NDUFAF6: variants seen among roughly 807,000 people sequenced by gnomAD.
NDUFAF6 encodes NADH dehydrogenase (ubiquinone) complex I, assembly factor 6.
A neutral mutation model predicts 40.8 loss-of-function variants in NDUFAF6; 45 were observed. The ratio of observed to expected loss-of-function variants is 1.10; its 90% CI spans 0.87 to 1.42. NDUFAF6 has a LOEUF of 1.42. NDUFAF6 is among the 40% of genes most tolerant of loss of function. The pLI is 0.00. For synonymous variants in NDUFAF6, 185 were observed against 155.9 expected, an observed-to-expected ratio of 1.19 and a Z score of -1.39; for missense variants, 435 against 418.5, an observed-to-expected ratio of 1.04 and a Z score of -0.34.
intron 5 of NDUFAF6, among the ~76,000 whole-genome samples, chr8:95,046,032 A>ATTTAT (rs546325431): frequency 1.6e-3 from 242 of 147,812 alleles, no homozygotes; most frequent in South Asian, 6.0e-3. Flanking sequence ...AGTAAAACAC[A>ATTTAT]TTTATTTTAT....
chr8:94,964,366 C>T (rs1823837571), intron 1 of NDUFAF6, among the ~76,000 whole-genome samples: 1 of 148,442 alleles, frequency 6.7e-6, no homozygotes, highest in African/African-American at 2.5e-5. Flanking sequence ...GAGGTTGAGG[C>T]TGCTGTGAGC....
intron 9 of NDUFAF6, among the ~76,000 whole-genome samples, chr8:95,063,979 C>T (rs184936631): frequency 2.0e-5 from 3 of 150,858 alleles, no homozygotes; most frequent in Admixed American, 2.0e-4. Context: ...TCACACCATT[C>T]TCCTGCCTCA....
chr8:95,051,567 A>G (rs1200453020), intron 7 of NDUFAF6, among the ~76,000 whole-genome samples: 1 of 152,154 alleles, frequency 6.6e-6, no homozygotes, highest in African/African-American at 2.4e-5. Context: ...CGAACACAGG[A>G]TGATGGGCAT....
chr8:94,958,522 CTTTTTTTTTTTTTTTT>C (rs55703438), intron 1 of NDUFAF6, among the ~76,000 whole-genome samples: 5 of 71,278 alleles, frequency 7.0e-5, no homozygotes, highest in Non-Finnish European at 1.3e-4. Context: ...TAGTCACATT[CTTTTTTTTTTTTTTTT>C]TTTTTTTTTT....
At chr8:94,994,297 T>C (rs1368988395) in intron 2 of NDUFAF6, among the ~76,000 whole-genome samples, 2 of 152,102 alleles carry the variant, frequency 1.3e-5, no homozygotes, top group Non-Finnish European at 2.9e-5. Flanking sequence ...ACACCTGTAA[T>C]CCCAGCACTT....
chr8:94,941,402 G>A (rs1332099865), intron 1 of NDUFAF6, among the ~76,000 whole-genome samples: 1 of 152,088 alleles, frequency 6.6e-6, no homozygotes, highest in Non-Finnish European at 1.5e-5. Context: ...AAGCAGATGA[G>A]CAAATTCTAG....
At chr8:94,937,669 T>C (rs1045260634) in intron 1 of NDUFAF6, among the ~76,000 whole-genome samples, 5 of 152,092 alleles carry the variant, frequency 3.3e-5, no homozygotes, top group African/African-American at 7.2e-5. Context: ...GATGCAATGG[T>C]CCTAGGACCA....
At chr8:94,914,347 A>G (rs959724483) in intron 1 of NDUFAF6, among the ~76,000 whole-genome samples, 4 of 152,166 alleles carry the variant, frequency 2.6e-5, no homozygotes, top group African/African-American at 4.8e-5. Flanking sequence ...TGCAGCTGCT[A>G]TGGAGTAGTT....
At chr8:95,091,841 TG>T (rs1260641418) in intron 2 of NDUFAF6, among the ~76,000 whole-genome samples, 22 of 146,498 alleles carry the variant, frequency 1.5e-4, no homozygotes, top group African/African-American at 5.6e-4. Flanking sequence ...GGATCTCGTA[TG>T]TTGCCCAGGC....
intron 2 of NDUFAF6, chr8:94,949,141 C>A (rs999448519): frequency 1.3e-5 from 2 of 149,228 alleles, no homozygotes; most frequent in African/African-American, 4.9e-5. Context: ...GCCCGCCCCC[C>A]CCCGGCACTT....
chr8:94,913,949 G>A (rs558985537), intron 1 of NDUFAF6, among the ~76,000 whole-genome samples: 3 of 151,978 alleles, frequency 2.0e-5, no homozygotes, highest in Non-Finnish European at 2.9e-5. Context: ...GCACCACCAC[G>A]CCCAGCTAAT....
At chr8:95,104,107 C>G (rs957953330), downstream of NDUFAF6, among the ~76,000 whole-genome samples, 2 of 152,138 alleles carry the variant, frequency 1.3e-5, no homozygotes, top group East Asian at 1.9e-4. Context: ...AAACTCCTGA[C>G]CTCAAGCAAT....
At chr8:95,053,925 CTTTTTTTTTTTTTTTTT>C (rs71273448) in intron 8 of NDUFAF6, among the ~76,000 whole-genome samples, 1 of 37,016 alleles carries the variant, frequency 2.7e-5, no homozygotes, top group Non-Finnish European at 5.0e-5. Flanking sequence ...CCGTGCCCGG[CTTTTTTTTTTTTTTTTT>C]TTTTTTTTTT....
At chr8:94,930,292 AAG>A (rs1820263092) in intron 1 of NDUFAF6, 5 of 718,352 alleles carry the variant, frequency 7.0e-6, no homozygotes, top group Non-Finnish European at 8.8e-6. Context: ...GTAAATGTTA[AAG>A]GCAAGGCATT....
intron 1 of NDUFAF6, among the ~76,000 whole-genome samples, chr8:94,978,855 G>A (rs1825182756): frequency 6.6e-6 from 1 of 152,194 alleles, no homozygotes; most frequent in East Asian, 1.9e-4. Context: ...CTCACTACCT[G>A]CAGTTGGCAT....
At chr8:94,936,801 TGCCA>T (rs1821020642) in intron 1 of NDUFAF6, among the ~76,000 whole-genome samples, 9 of 152,170 alleles carry the variant, frequency 5.9e-5, no homozygotes, top group African/African-American at 1.9e-4. Context: ...TCCCTGGAGG[TGCCA>T]TCCTGGGTTC....
chr8:94,926,707 T>C (rs577064313), intron 1 of NDUFAF6: 25 of 152,350 alleles, frequency 1.6e-4, no homozygotes, highest in African/African-American at 5.3e-4. Context: ...TCTCCTCCCA[T>C]GCAAAGGATA....
chr8:94,967,571 T>C (rs550302369), intron 1 of NDUFAF6, among the ~76,000 whole-genome samples: 5 of 152,092 alleles, frequency 3.3e-5, no homozygotes, highest in Non-Finnish European at 5.9e-5. Flanking sequence ...TTACAGTTTC[T>C]GTGAGTCAGG....
intron 2 of NDUFAF6, among the ~76,000 whole-genome samples, chr8:94,985,762 C>G (rs1825853307): frequency 6.6e-6 from 1 of 150,726 alleles, no homozygotes; most frequent in Non-Finnish European, 1.5e-5. Context: ...TCTCAAATGC[C>G]TGACCTTGTG....
Sources: allele counts gnomAD v4.1 joint callset (sites outside exome capture counted in the v4.1 genomes callset), GRCh38; gene constraint gnomAD v4.1.1; transcripts MANE v1.5; gene names NCBI Gene and HGNC (gene_info 2026-07-23, HGNC 2026-07-21).